The following USP15 variants were observed in gnomAD, a reference collection of about 807,000 sequenced individuals.
USP15 encodes ubiquitin specific peptidase 15, also known as ubiquitin carboxyl-terminal hydrolase 15.
Under a neutral mutation model 127.1 loss-of-function variants are expected in USP15, and 18 were observed. That is an observed-to-expected ratio of 0.14 (90% CI 0.10 to 0.21). The LOEUF is 0.21. Ranked by LOEUF, USP15 falls within the 10% of genes least tolerant of loss-of-function variation. The probability of loss-of-function intolerance (pLI) is 1.00; values close to 1 mark genes in which losing one functional copy is unlikely to be tolerated. For missense variants in USP15, 805 were observed against 1,159.9 expected (o/e 0.69, Z 4.44); for synonymous variants, 364 against 393.7 (o/e 0.92, Z 0.89).
intron 7 of USP15, among the ~76,000 whole-genome samples, chr12:62,354,570 A>G (rs1177382108): frequency 6.6e-6 from 1 of 151,944 alleles, no homozygotes; most frequent in Non-Finnish European, 1.5e-5. Flanking sequence ...GGATCGTTTA[A>G]CTTATTTTCT....
intron 3 of USP15, among the ~76,000 whole-genome samples, chr12:62,313,015 A>T (rs2064727928): frequency 6.6e-6 from 1 of 151,640 alleles, no homozygotes. Flanking sequence ...ACAAACTCAT[A>T]TTTTTAAAAA....
At chr12:62,362,418 T>C (rs2066347871) in intron 8 of USP15, among the ~76,000 whole-genome samples, 1 of 152,082 alleles carries the variant, frequency 6.6e-6, no homozygotes, top group Non-Finnish European at 1.5e-5. Flanking sequence ...ACAGTTTCCC[T>C]AGGAGGTGAT....
intron 3 of USP15, chr12:62,305,669 A>T (rs2064462555): frequency 6.6e-6 from 1 of 152,184 alleles, no homozygotes; most frequent in South Asian, 2.1e-4. Flanking sequence ...AATAATTTTT[A>T]TGGAGTTGAA....
At position 62,302,645 on chromosome 12, in the gene USP15, G is replaced by A. The variant is rs1395790726; in HGVS notation, c.218-145G>A. On this transcript the variant is annotated intron_variant, in intron 2 of 21. Transcript: ENST00000280377. The stretch of plus-strand genomic sequence containing the variant: ...TACGGCCCAGAGAAACCCAAAAATT[G>A]GACACCCCTGATGTAAGGGAGCTGA... 4.5e-6 allele frequency: 3 copies of A among 660,528 alleles called. No homozygotes were observed. The African/African-American group carries it at 5.5e-5, about 12-fold the overall frequency. The allele number at this position is 660,528 out of a possible 1,614,324, so 40.9% of individuals were successfully genotyped here.
chr12:62,341,705 C>T (rs1592627429), intron 6 of USP15, among the ~76,000 whole-genome samples: 1 of 152,270 alleles, frequency 6.6e-6, no homozygotes, highest in Non-Finnish European at 1.5e-5. Flanking sequence ...TGAATATTGG[C>T]CCCCACTCTC....
At chr12:62,373,368 A>G (rs907776652) in intron 8 of USP15, among the ~76,000 whole-genome samples, 1 of 152,022 alleles carries the variant, frequency 6.6e-6, no homozygotes, top group Non-Finnish European at 1.5e-5. Flanking sequence ...TATACTTCCT[A>G]GAACTTTGAT....
intron 1 of USP15, among the ~76,000 whole-genome samples, chr12:62,281,809 C>G (rs2063657433): frequency 6.6e-6 from 1 of 152,018 alleles, no homozygotes; most frequent in Admixed American, 6.6e-5. Flanking sequence ...AGAAAGAAGT[C>G]ACTACAAGAT....
At chr12:62,314,967 T>G in intron 4 of USP15, 51 bp downstream of exon 4, 1 of 1,442,284 alleles carries the variant, frequency 6.9e-7, no homozygotes, top group Non-Finnish European at 9.2e-7. Context: ...AGATATTTAA[T>G]TAGAATTATC....
chr12:62,355,291 A>G, intron 7 of USP15, 40 bp from the exon 8 acceptor site: 1 of 1,522,250 alleles, frequency 6.6e-7, no homozygotes, highest in Non-Finnish European at 8.9e-7. Context: ...AATATGTTGT[A>G]ATATAATTGG....
chr12:62,401,681 T>G (rs1018160703), intron 21 of USP15, among the ~76,000 whole-genome samples: 1 of 151,864 alleles, frequency 6.6e-6, no homozygotes, highest in Non-Finnish European at 1.5e-5. Context: ...TCCTGCCTTA[T>G]GAAAATTAAC....
intron 5 of USP15, among the ~76,000 whole-genome samples, chr12:62,322,656 C>T (rs1169992029): frequency 6.6e-6 from 1 of 152,116 alleles, no homozygotes; most frequent in Admixed American, 6.6e-5. Context: ...AACCATAGGA[C>T]AGTCTTGTTT....
intron 6 of USP15, chr12:62,327,837 A>G (rs1387257228): frequency 1.5e-5 from 4 of 267,014 alleles, no homozygotes; most frequent in African/African-American, 2.3e-5. Context: ...CACTGGATCT[A>G]CTAGTTGAAT....
intron 6 of USP15, chr12:62,336,001 A>G (rs12310318): frequency 0.32 from 310,970 of 984,182 alleles, 49,862 homozygotes; most frequent in African/African-American, 0.45. Context: ...CAGCTCTAGG[A>G]GGCATCATTC....
chr12:62,410,377 A>G lies in USP15; in HGVS notation c.*6002A>G, dbSNP rs1018409354. 1 of 151,402 alleles carries G rather than the reference A, an allele frequency of 6.6e-6. No individual in the cohort carries two copies. Among genetic ancestry groups the G allele is most frequent in the Admixed American group, 6.6e-5 (1 of 15,156 alleles). 9.4% of individuals were successfully genotyped at this position (151,402 alleles called of 1,614,324 possible). On this transcript the variant is annotated 3_prime_UTR_variant, in exon 22 of 22. Coordinates refer to ENST00000280377, the MANE Select transcript of USP15 (RefSeq NM_001252078.2). The stretch of plus-strand genomic sequence containing the variant: ...TAGAGTTGCCCTTATTTTAAAAAAC[A>G]AAAAAAAAGTAAAGATGGGAAAATT...
At chr12:62,291,208 A>G (rs949073543) in intron 1 of USP15, among the ~76,000 whole-genome samples, 25 of 152,144 alleles carry the variant, frequency 1.6e-4, no homozygotes, top group African/African-American at 5.8e-4. Context: ...AATACCTACA[A>G]TTCCTAGATC....
chr12:62,358,645 G>T (rs1159632307), intron 8 of USP15, among the ~76,000 whole-genome samples: 1 of 152,100 alleles, frequency 6.6e-6, no homozygotes. Context: ...GAACCCGGGA[G>T]GCAGAGGTTG....
At chr12:62,274,783 C>T (rs908489482) in intron 1 of USP15, among the ~76,000 whole-genome samples, 1 of 152,154 alleles carries the variant, frequency 6.6e-6, no homozygotes, top group African/African-American at 2.4e-5. Context: ...CTTATATAAA[C>T]ATTAAACATT....
chr12:62,336,139 C>A, intron 6 of USP15: 1 of 985,372 alleles, frequency 1.0e-6, no homozygotes, highest in Non-Finnish European at 1.2e-6. Flanking sequence ...CAGAAGACCT[C>A]TTTTATCATA....
chr12:62,299,996 G>T (rs1322004108), intron 2 of USP15, among the ~76,000 whole-genome samples: 2 of 151,958 alleles, frequency 1.3e-5, no homozygotes, highest in Non-Finnish European at 2.9e-5. Flanking sequence ...ATTTTTAATA[G>T]AATTGTTTGT....
Sources: gnomAD v4.1 joint callset for allele counts (sites outside exome capture counted in the v4.1 genomes callset) on GRCh38, gnomAD v4.1.1 for gene constraint, MANE v1.5 for transcripts, NCBI Gene and HGNC (gene_info 2026-07-23, HGNC 2026-07-21) for gene names.